The following MTMR10 variants were observed in gnomAD, a reference collection of about 807,000 sequenced individuals.
MTMR10 encodes the protein myotubularin-related protein 10.
A neutral mutation model predicts 88.1 loss-of-function variants in MTMR10; 56 were observed. That is an observed-to-expected ratio of 0.64 (90% CI 0.51 to 0.79). MTMR10 has a LOEUF of 0.79. Among genes scored for constraint, MTMR10 ranks in the 30% least tolerant of loss-of-function variants. The pLI, the probability that MTMR10 is intolerant of heterozygous loss-of-function variation, is 0.00. For missense variants in MTMR10, 883 were observed against 924.7 expected, an observed-to-expected ratio of 0.95 and a Z score of 0.58; for synonymous variants, 380 against 340.9, an observed-to-expected ratio of 1.11 and a Z score of -1.26.
chr15:30,928,544 T>C, the MTMR10 span: 1 of 1,108,104 alleles, frequency 9.0e-7, no homozygotes, highest in Non-Finnish European at 1.3e-6. Flanking sequence ...GTGTGTGACC[T>C]TGTCTTAGGG....
chr15:30,946,792 T>C (rs1254494005), intron 14 of MTMR10: 1 of 700,556 alleles, frequency 1.4e-6, no homozygotes, highest in Non-Finnish European at 2.6e-6. Flanking sequence ...AGGAAATAAA[T>C]GTCGTGTAAC....
chr15:30,928,520 G>GTGTGTA, the MTMR10 span: 1 of 1,608,164 alleles, frequency 6.2e-7, no homozygotes, highest in South Asian at 1.1e-5. Context: ...GTGTGTGTGT[G>GTGTGTA]TGTGTGTGTG....
chr15:30,938,048 G>A (rs1016877412), downstream of MTMR10, among the ~76,000 whole-genome samples: 1 of 151,914 alleles, frequency 6.6e-6, no homozygotes, highest in African/African-American at 2.4e-5. Context: ...GGTGGGCTTG[G>A]TGGCACACGC....
At chr15:30,991,402 G>A in intron 1 of MTMR10, 45 bp downstream of exon 1, 1 of 1,433,326 alleles carries the variant, frequency 7.0e-7, no homozygotes, top group Non-Finnish European at 9.2e-7. Context: ...AGGCTCCACG[G>A]AAGCGCAGAG....
chr15:30,930,555 T>C, the MTMR10 span: 13 of 1,596,840 alleles, frequency 8.1e-6, no homozygotes, highest in Non-Finnish European at 1.1e-5. Context: ...TCTTGTCTCC[T>C]GCCTGGGGGG....
chr15:30,961,192 C>T, intron 6 of MTMR10, 119 bp from the exon 7 acceptor site: 1 of 1,317,684 alleles, frequency 7.6e-7, no homozygotes, highest in South Asian at 1.7e-5. Flanking sequence ...GCTTCACCTT[C>T]CAAGTCTCTC....
the MTMR10 span, among the ~76,000 whole-genome samples, chr15:30,930,219 ACTGCTG>A: frequency 6.6e-6 from 1 of 151,352 alleles, no homozygotes; most frequent in Admixed American, 6.6e-5. Flanking sequence ...TGTTCCTTCA[ACTGCTG>A]CCCTCTATGA....
intron 2 of MTMR10, among the ~76,000 whole-genome samples, chr15:30,986,945 C>G (rs901521844): frequency 6.6e-6 from 1 of 152,226 alleles, no homozygotes; most frequent in Non-Finnish European, 1.5e-5. Flanking sequence ...ATTACATGCT[C>G]TTAACAAATA....
the MTMR10 span, chr15:30,929,374 T>C: frequency 6.2e-7 from 1 of 1,607,008 alleles, no homozygotes; most frequent in South Asian, 1.1e-5. Context: ...CTGGGATCGC[T>C]TCACGTCTCT....
At chr15:30,918,861 A>T in the MTMR10 span, among the ~76,000 whole-genome samples, 3 of 152,140 alleles carry the variant, frequency 2.0e-5, no homozygotes, top group African/African-American at 2.4e-5. Flanking sequence ...ATCATTTAGG[A>T]TATACAGTTG....
intron 6 of MTMR10, 74 bp from the exon 7 acceptor site, chr15:30,961,147 G>A: frequency 3.4e-6 from 5 of 1,484,744 alleles, no homozygotes; most frequent in Non-Finnish European, 4.5e-6. Context: ...TGAGCCTCCT[G>A]TCACATGCAT....
At chr15:30,932,883 T>A in the MTMR10 span, among the ~76,000 whole-genome samples, 1 of 151,558 alleles carries the variant, frequency 6.6e-6, no homozygotes, top group Non-Finnish European at 1.5e-5. Context: ...TGGATAATTT[T>A]TTTTTTTTTT....
intron 15 of MTMR10, 67 bp downstream of exon 15, chr15:30,942,819 GCTCT>G: frequency 7.1e-7 from 1 of 1,411,462 alleles, no homozygotes; most frequent in Non-Finnish European, 9.5e-7. Flanking sequence ...TACTTTTAAC[GCTCT>G]CTGTTCTGAA....
At chr15:30,968,071 A>G in intron 5 of MTMR10, 61 bp from the exon 6 acceptor site, 2 of 1,257,446 alleles carry the variant, frequency 1.6e-6, no homozygotes, top group Non-Finnish European at 1.1e-6. Flanking sequence ...GAAATGTACA[A>G]TAAGGCCTTG....
At chr15:30,958,368 G>A (rs1038361726) in intron 9 of MTMR10, among the ~76,000 whole-genome samples, 1 of 152,214 alleles carries the variant, frequency 6.6e-6, no homozygotes, top group Non-Finnish European at 1.5e-5. Flanking sequence ...GTGATCAATA[G>A]TATTGCTCAC....
At chr15:30,972,774 C>T (rs1461199582) in intron 5 of MTMR10, among the ~76,000 whole-genome samples, 1 of 152,136 alleles carries the variant, frequency 6.6e-6, no homozygotes, top group East Asian at 1.9e-4. Flanking sequence ...ACTGCCTCAA[C>T]ATGAAAAATG....
Position 30,948,326 on chromosome 15 carries a change from G to A in MTMR10, c.1353C>T (p.Asn451=). 1.9e-6 allele frequency: 3 copies of A among 1,613,654 alleles called. No individual in the cohort carries two copies. The highest frequency in any genetic ancestry group is 2.2e-5 in the East Asian group (1 of 44,838). ...CCTCTTTCTCTGATCTCTTTAGATG[G>A]TTGCATCTGTCTAGAAACTGATATC... The part of the protein sequence containing the change: ...MAGYQFLDRC[N]HLKRSEKESP... The change falls in exon 13 of 16, where the codon AAC becomes AAT. Residue 451 remains asparagine (N), a synonymous_variant. Transcript: ENST00000435680.
chr15:30,953,711 C>T, intron 10 of MTMR10, 80 bp from the exon 11 acceptor site: 1 of 921,900 alleles, frequency 1.1e-6, no homozygotes, highest in Non-Finnish European at 1.6e-6. Flanking sequence ...ACATCAGTTT[C>T]TAATATTTAA....
At chr15:30,937,596 T>C (rs559758126), downstream of MTMR10, among the ~76,000 whole-genome samples, 1 of 151,556 alleles carries the variant, frequency 6.6e-6, no homozygotes, top group Non-Finnish European at 1.5e-5. Context: ...GGACTACAGG[T>C]GTGCGCCACC....
Sources: gnomAD v4.1 joint callset for allele counts (sites outside exome capture counted in the v4.1 genomes callset) on GRCh38, gnomAD v4.1.1 for gene constraint, MANE v1.5 for transcripts, NCBI Gene and HGNC (gene_info 2026-07-23, HGNC 2026-07-21) for gene names.